EDARADD: variants seen among roughly 807,000 people sequenced by gnomAD.
The protein encoded by EDARADD is EDAR associated via death domain, also known as ectodysplasin-A receptor-associated adapter protein.
In EDARADD, 20 loss-of-function variants were observed where a neutral mutation model predicts 25.6. The observed-to-expected ratio is 0.78, with a 90% CI of 0.55 to 1.14. EDARADD has a LOEUF of 1.14. EDARADD is among the 50% of genes most tolerant of loss of function. The pLI, the probability that EDARADD is intolerant of heterozygous loss-of-function variation, is 0.00. For synonymous variants in EDARADD, 86 were observed against 94.4 expected (o/e 0.91, Z 0.52); for missense variants, 225 against 270.1 (o/e 0.83, Z 1.17).
intron 1 of EDARADD, among the ~76,000 whole-genome samples, chr1:236,404,145 A>G (rs1384951628): frequency 6.6e-6 from 1 of 152,188 alleles, no homozygotes; most frequent in East Asian, 1.9e-4. Context: ...TGCCCGTCCT[A>G]TTAGATATCA....
chr1:236,424,154 CTTTTTTTTTTT>C (rs34454343), intron 3 of EDARADD, among the ~76,000 whole-genome samples: 2 of 74,400 alleles, frequency 2.7e-5, no homozygotes, highest in South Asian at 6.5e-4. Context: ...TGTGAAGCAT[CTTTTTTTTTTT>C]TTTTTTTTTT....
chr1:236,405,791 TTTCTTTTTC>T (rs1227710766), intron 1 of EDARADD, among the ~76,000 whole-genome samples: 46 of 23,698 alleles, frequency 1.9e-3, no homozygotes, highest in African/African-American at 7.1e-3. Context: ...CTTTCTTTCT[TTTCTTTTTC>T]TTTCTTTCTT....
Position 236,483,288 on chromosome 1 carries a change from G to T in EDARADD, c.*639G>T. The T allele has an allele frequency of 6.2e-7, 1 of 1,600,274 alleles. No individual in the cohort carries two copies. Among genetic ancestry groups the T allele is most frequent in the Non-Finnish European group, 8.5e-7 (1 of 1,169,958 alleles). ...TGCTGTGCCCAGTGGTGCTTCAACT[G>T]GTATCTATGAGGTCCTAGAGCTCCA... On this transcript the variant is annotated 3_prime_UTR_variant, in exon 6 of 6. Coordinates refer to ENST00000334232, the MANE Select transcript of EDARADD (RefSeq NM_145861.4).
chr1:236,402,588 A>G (rs1162527273), intron 1 of EDARADD, among the ~76,000 whole-genome samples: 3 of 152,054 alleles, frequency 2.0e-5, no homozygotes, highest in East Asian at 1.9e-4. Flanking sequence ...ATTATTTTAA[A>G]TAAGTAGAAA....
intron 3 of EDARADD, among the ~76,000 whole-genome samples, chr1:236,423,969 G>A (rs1657843905): frequency 6.6e-6 from 1 of 151,950 alleles, no homozygotes; most frequent in East Asian, 1.9e-4. Flanking sequence ...AGCCGGGCGT[G>A]GTGGTCGGCA....
chr1:236,433,313 T>C (rs1004062479), intron 4 of EDARADD, among the ~76,000 whole-genome samples: 3 of 119,952 alleles, frequency 2.5e-5, no homozygotes, highest in Non-Finnish European at 4.8e-5. Flanking sequence ...TCCCAGCACT[T>C]TGGGGGGGGC....
intron 4 of EDARADD, among the ~76,000 whole-genome samples, chr1:236,459,213 GC>G (rs1658970093): frequency 1.3e-5 from 2 of 152,074 alleles, no homozygotes; most frequent in African/African-American, 2.4e-5. Flanking sequence ...ATAGACAGGT[GC>G]AAAAACTCCC....
intron 5 of EDARADD, among the ~76,000 whole-genome samples, chr1:236,480,030 A>G (rs1055672513): frequency 4.0e-5 from 6 of 149,022 alleles, no homozygotes; most frequent in Non-Finnish European, 7.4e-5. Context: ...AGGGTAACAG[A>G]GTGGGACTGT....
At chr1:236,409,097 T>G in intron 1 of EDARADD, 119 bp from the exon 2 acceptor site, 1 of 542,820 alleles carries the variant, frequency 1.8e-6, no homozygotes, top group Non-Finnish European at 3.1e-6. Context: ...AGGAGTAAGG[T>G]TTTCTTCAGC....
At chr1:236,362,722 T>G (rs1043091467) in intron 3 of EDARADD, among the ~76,000 whole-genome samples, 3 of 152,056 alleles carry the variant, frequency 2.0e-5, no homozygotes, top group African/African-American at 7.2e-5. Flanking sequence ...AATTTTTGTA[T>G]ATTGTGAAGT....
In EDARADD at chr1:236,484,206, C is replaced by A. The variant is rs879038028; in HGVS notation, c.*1557C>A. On this transcript the variant is annotated 3_prime_UTR_variant, in exon 6 of 6. Coordinates refer to ENST00000334232, the MANE Select transcript of EDARADD (RefSeq NM_145861.4). The surrounding 1 kb of genome is among the most constrained non-coding windows in gnomAD (Gnocchi z 4.1). ...CCTCCTGCTCAAAGTGAACCAGATT[C>A]GCTCTGTGACTGAGTCCCTTCAGGC... The A allele has an allele frequency of 6.7e-6, 7 of 1,051,828 alleles. No homozygotes were observed. The highest frequency in any genetic ancestry group is 1.0e-5 in the Non-Finnish European group (7 of 668,242). The allele number at this position is 1,051,828 out of a possible 1,614,324, so 65.2% of individuals were successfully genotyped here.
At chr1:236,427,930 TA>T (rs1413648180) in intron 4 of EDARADD, among the ~76,000 whole-genome samples, 1 of 151,390 alleles carries the variant, frequency 6.6e-6, no homozygotes, top group Non-Finnish European at 1.5e-5. Context: ...AAAGAATTCA[TA>T]TTTTTTAATT....
At chr1:236,447,813 TG>T (rs537066578) in intron 4 of EDARADD, among the ~76,000 whole-genome samples, 255 of 152,206 alleles carry the variant, frequency 1.7e-3, no homozygotes, top group African/African-American at 5.9e-3. Context: ...GACTGCACAT[TG>T]GAATTACTTG....
chr1:236,438,847 A>G lies in EDARADD; in HGVS notation c.219+11397A>G, dbSNP rs1207137818. On this transcript the variant is annotated intron_variant, in intron 4 of 5. Transcript: ENST00000334232. ...ATTGATGAACCTACGCTGACACACC[A>G]TTATCATCCAAAGTTCAAATTGGTT... 5.9e-5 allele frequency among the ~76,000 whole-genome samples: 9 copies of G among 152,044 alleles called. No individual in the cohort carries two copies. In the East Asian group the frequency reaches 1.5e-3, roughly 26 times the overall value.
intron 3 of EDARADD, among the ~76,000 whole-genome samples, chr1:236,381,800 G>GTTTTTTT (rs1558105353): frequency 5.9e-4 from 10 of 16,926 alleles, no homozygotes; most frequent in African/African-American, 9.1e-4. Flanking sequence ...TCCTGTGGTT[G>GTTTTTTT]CTTTTTTTTT....
chr1:236,467,018 A>T (rs988459375), intron 4 of EDARADD, among the ~76,000 whole-genome samples: 2 of 152,006 alleles, frequency 1.3e-5, no homozygotes, highest in East Asian at 3.9e-4. Context: ...GTGAGCCGAG[A>T]TTGTGCCACT....
rs146073425 is a variant in EDARADD, at chr1:236,366,741, C to CTCTTTTTTTTTTTTTTT, written c.-6+15903_-6+15904insCTTTTTTTTTTTTTTTT. Among the ~76,000 whole-genome samples the CTCTTTTTTTTTTTTTTT allele has an allele frequency of 7.7e-4, 111 of 144,174 alleles. 1 individual carries two copies. The highest frequency in any genetic ancestry group is 3.6e-3 in the Middle Eastern group (1 of 276). The allele number at this position is 144,174 out of a possible 152,430, so 94.6% of individuals were successfully genotyped here. A position where few individuals can be genotyped will look rare whatever the true frequency, so the allele number is the denominator to read the frequency against. On this transcript the variant is annotated intron_variant, in intron 3 of 7. Transcript: ENST00000439430. ...CCTGGGTCAGAGAGCTCATCTCTCT[C>CTCTTTTTTTTTTTTTTT]TTTTTTTTGTCTCTCAGGGATCATT...
intron 2 of EDARADD, among the ~76,000 whole-genome samples, chr1:236,409,545 T>G (rs979475961): frequency 2.1e-5 from 3 of 141,048 alleles, no homozygotes; most frequent in Admixed American, 6.7e-5. Flanking sequence ...CTTCCCTGGT[T>G]TTTTTTTATT....
At chr1:236,388,203 A>T (rs1667379492) in intron 3 of EDARADD, among the ~76,000 whole-genome samples, 1 of 152,176 alleles carries the variant, frequency 6.6e-6, no homozygotes, top group Admixed American at 6.5e-5. Context: ...TCTATCATTT[A>T]TCATATTCCA....
Sources: allele counts gnomAD v4.1 joint callset (sites outside exome capture counted in the v4.1 genomes callset), GRCh38; gene constraint gnomAD v4.1.1; non-coding constraint Gnocchi (gnomAD v3.1); transcripts MANE v1.5; gene names NCBI Gene and HGNC (gene_info 2026-07-23, HGNC 2026-07-21).